AGO2: variants seen among roughly 807,000 people sequenced by gnomAD.
AGO2 encodes argonaute RISC catalytic component 2.
A neutral mutation model predicts 102.3 loss-of-function variants in AGO2; 5 were observed. The ratio of observed to expected loss-of-function variants is 0.05; its 90% CI spans 0.03 to 0.10. The LOEUF is 0.10. Among genes scored for constraint, AGO2 ranks in the 10% least tolerant of loss-of-function variants. The pLI, the probability that AGO2 is intolerant of heterozygous loss-of-function variation, is 1.00. For synonymous variants in AGO2, 449 were observed against 473.1 expected (o/e 0.95, Z 0.66); for missense variants, 541 against 1,183.7 (o/e 0.46, Z 7.97).
intron 1 of AGO2, 90 bp from the exon 2 acceptor site, chr8:140,585,401 C>T (rs1424001226): frequency 1.4e-6 from 2 of 1,435,372 alleles, no homozygotes; most frequent in Admixed American, 2.1e-5. Context: ...CTATATGCCC[C>T]CCTCTGCTGT....
chr8:140,609,512 G>A (rs1035354990), intron 1 of AGO2, among the ~76,000 whole-genome samples: 2 of 152,194 alleles, frequency 1.3e-5, no homozygotes, highest in Non-Finnish European at 2.9e-5. Context: ...CACCGGCCTC[G>A]TCATCAATTC....
intron 1 of AGO2, among the ~76,000 whole-genome samples, chr8:140,630,383 T>G (rs1563660936): frequency 6.6e-6 from 1 of 152,196 alleles, no homozygotes; most frequent in Admixed American, 6.5e-5. Context: ...TGCAGCTCTA[T>G]GGAGACAGAA....
intron 10 of AGO2, among the ~76,000 whole-genome samples, chr8:140,553,361 G>A (rs1308762719): frequency 6.6e-6 from 1 of 152,012 alleles, no homozygotes; most frequent in East Asian, 1.9e-4. Flanking sequence ...TGGAGCCAGG[G>A]CAACAGAGAA....
At position 140,573,031 on chromosome 8, in the gene AGO2, T is replaced by C. The variant is rs1038315616; in HGVS notation, c.216-99A>G. ...GCTATTTTTTTTTTTTTTTTTGAGA[T>C]GGAGTCTTGCTCTTGTGGCCCAGGC... is the stretch of plus-strand genomic sequence containing the variant. On this transcript the variant is annotated intron_variant, in intron 2 of 18. Coordinates refer to ENST00000220592, the MANE Select transcript of AGO2 (RefSeq NM_012154.5). The C allele has an allele frequency of 1.7e-4, 239 of 1,372,556 alleles. 1 individual carries two copies. Among genetic ancestry groups the C allele is most frequent in the Non-Finnish European group, 2.3e-4 (232 of 1,022,776 alleles). 85.0% of individuals were successfully genotyped at this position (1,372,556 alleles called of 1,614,324 possible).
rs560003315 is a variant in AGO2 at position 140,612,750 on chromosome 8, G to C, written c.22+22735C>G. Among the ~76,000 whole-genome samples, 197 of 151,006 alleles carry C rather than the reference G, an allele frequency of 1.3e-3. No individual in the cohort carries two copies. In the Middle Eastern group the frequency reaches 0.014, roughly 11 times the overall value. On this transcript the variant is annotated intron_variant, in intron 1 of 18. Transcript: ENST00000220592. ...CTGGGCAACAAGACCCAAAAAACTC[G>C]GTCTCAAAAAAAACAAAATGAAACT...
intron 2 of AGO2, among the ~76,000 whole-genome samples, chr8:140,577,729 A>G (rs1421520472): frequency 2.6e-5 from 4 of 152,074 alleles, no homozygotes; most frequent in Non-Finnish European, 5.9e-5. Context: ...ACACTTCTCA[A>G]TGACTTATGG....
intron 2 of AGO2, among the ~76,000 whole-genome samples, chr8:140,574,157 G>A (rs1163448287): frequency 2.8e-4 from 5 of 17,840 alleles, no homozygotes; most frequent in Non-Finnish European, 5.5e-4. Context: ...CTTCCCCACC[G>A]TGACAGAGAG....
At chr8:140,617,997 G>T (rs978647081) in intron 1 of AGO2, among the ~76,000 whole-genome samples, 4 of 149,536 alleles carry the variant, frequency 2.7e-5, no homozygotes, top group African/African-American at 9.9e-5. Context: ...AACAGAGTGA[G>T]ACCGTCTACA....
At chr8:140,544,636 C>T (rs894537246) in intron 13 of AGO2, among the ~76,000 whole-genome samples, 2 of 152,164 alleles carry the variant, frequency 1.3e-5, no homozygotes, top group African/African-American at 2.4e-5. Context: ...GCCACACCCA[C>T]GCCAGGGTTT....
intron 1 of AGO2, among the ~76,000 whole-genome samples, chr8:140,603,685 T>C (rs1333536393): frequency 6.6e-6 from 1 of 152,208 alleles, no homozygotes; most frequent in Non-Finnish European, 1.5e-5. Context: ...TCATCCGCGC[T>C]GCAGCTGTGT....
At position 140,522,587 on chromosome 8, in the gene AGO2, T is replaced by C. The variant is rs1244283763; in HGVS notation, c.*9457A>G. 1 of 148,902 alleles carries C rather than the reference T, an allele frequency of 6.7e-6. No homozygotes were observed. Among genetic ancestry groups the C allele is most frequent in the Non-Finnish European group, 1.5e-5 (1 of 67,656 alleles). 9.2% of individuals were successfully genotyped at this position (148,902 alleles called of 1,614,324 possible). ...AAACCCTGAAAAAGTCGCAAGACTTTTAGAACAGGTCTTTTTGACTGTCAC... is the reference window on the plus strand; with the variant it reads ...AAACCCTGAAAAAGTCGCAAGACTTCTAGAACAGGTCTTTTTGACTGTCAC... On this transcript the variant is annotated 3_prime_UTR_variant, in exon 19 of 19. Transcript: ENST00000220592.
chr8:140,610,970 C>T (rs1036992817), intron 1 of AGO2, among the ~76,000 whole-genome samples: 5 of 152,206 alleles, frequency 3.3e-5, no homozygotes, highest in Admixed American at 6.5e-5. Context: ...AACATCTCTC[C>T]GAAACACTCT....
intron 1 of AGO2, among the ~76,000 whole-genome samples, chr8:140,617,522 G>A (rs1481346509): frequency 6.6e-6 from 1 of 152,120 alleles, no homozygotes; most frequent in Non-Finnish European, 1.5e-5. Flanking sequence ...CAAAGTGCTG[G>A]GATTACAGAC....
chr8:140,633,665 A>T (rs1276847030), intron 1 of AGO2, among the ~76,000 whole-genome samples: 2 of 152,168 alleles, frequency 1.3e-5, no homozygotes, highest in African/African-American at 4.8e-5. Flanking sequence ...GTCCAGCCCT[A>T]ACAGAGACTT....
At chr8:140,571,923 G>A (rs1160442693) in intron 3 of AGO2, among the ~76,000 whole-genome samples, 5 of 151,986 alleles carry the variant, frequency 3.3e-5, no homozygotes, top group African/African-American at 9.7e-5. Flanking sequence ...TAGTAGAGAC[G>A]GGGTTTCACC....
chr8:140,552,460 G>A (rs569882650), intron 10 of AGO2, among the ~76,000 whole-genome samples: 1 of 152,338 alleles, frequency 6.6e-6, no homozygotes, highest in African/African-American at 2.4e-5. Flanking sequence ...TAAAGGATGC[G>A]GCTGTGCCTG....
chr8:140,584,336 G>A (rs747290611), intron 2 of AGO2, among the ~76,000 whole-genome samples: 8 of 152,132 alleles, frequency 5.3e-5, no homozygotes, highest in Non-Finnish European at 7.4e-5. Context: ...TGACCACACC[G>A]CGTGCTGGTG....
chr8:140,611,930 T>G (rs1227380552), intron 1 of AGO2, among the ~76,000 whole-genome samples: 1 of 152,126 alleles, frequency 6.6e-6, no homozygotes, highest in Non-Finnish European at 1.5e-5. Flanking sequence ...CTTAAAAGAC[T>G]TCTGGTGAGT....
chr8:140,629,750 C>T (rs1563660449), intron 1 of AGO2, among the ~76,000 whole-genome samples: 1 of 151,668 alleles, frequency 6.6e-6, no homozygotes, highest in Non-Finnish European at 1.5e-5. Flanking sequence ...TGAGGTGGAG[C>T]TCCGGAGCCC....
Sources: allele counts gnomAD v4.1 joint callset (sites outside exome capture counted in the v4.1 genomes callset), GRCh38; gene constraint gnomAD v4.1.1; transcripts MANE v1.5; gene names NCBI Gene and HGNC (gene_info 2026-07-23, HGNC 2026-07-21).